TCF4: variants seen among roughly 807,000 people sequenced by gnomAD.
TCF4 encodes SL3-3 enhancer factor 2.
TCF4 carries 3 observed loss-of-function variants against 82.1 expected under a neutral mutation model. The ratio of observed to expected loss-of-function variants is 0.04; its 90% confidence interval spans 0.02 to 0.09. The LOEUF is 0.09. TCF4 is among the 10% of genes least tolerant of loss of function. The pLI, the probability that TCF4 is intolerant of heterozygous loss-of-function variation, is 1.00. For synonymous variants in TCF4, 276 were observed against 309.6 expected, an observed-to-expected ratio of 0.89 and a Z score of 1.14; for missense variants, 518 against 852.7, an observed-to-expected ratio of 0.61 and a Z score of 4.89.
chr18:55,546,808 G>A (rs1443647360), intron 3 of TCF4: 1 of 152,148 alleles, frequency 6.6e-6, no homozygotes, highest in Non-Finnish European at 1.5e-5. Context: ...CAGGCTTTAC[G>A]TTAACAGACT....
chr18:55,247,231 C>A (rs2053565169), intron 15 of TCF4, among the ~76,000 whole-genome samples: 1 of 152,182 alleles, frequency 6.6e-6, no homozygotes, highest in Non-Finnish European at 1.5e-5. Context: ...ATCCCCTCCC[C>A]TGAAAATATT....
chr18:55,420,674 C>T (rs766687672), intron 5 of TCF4, among the ~76,000 whole-genome samples: 49 of 152,086 alleles, frequency 3.2e-4, no homozygotes, highest in Non-Finnish European at 5.6e-4. Context: ...GCCAGTGGAA[C>T]GTTCAGCGTT....
intron 3 of TCF4, among the ~76,000 whole-genome samples, chr18:55,552,848 TGA>T (rs1396588109): frequency 2.0e-5 from 3 of 152,220 alleles, no homozygotes; most frequent in Admixed American, 1.3e-4. Context: ...TGTTGTTTGA[TGA>T]GAGTCATTAG....
At chr18:55,442,515 C>T (rs1158155690) in intron 5 of TCF4, among the ~76,000 whole-genome samples, 2 of 152,144 alleles carry the variant, frequency 1.3e-5, no homozygotes, top group Non-Finnish European at 2.9e-5. Flanking sequence ...ACAGCCCCAT[C>T]AGTTTCTAAG....
chr18:55,393,994 C>T (rs2093338750), intron 6 of TCF4, among the ~76,000 whole-genome samples: 1 of 151,966 alleles, frequency 6.6e-6, no homozygotes, highest in African/African-American at 2.4e-5. Flanking sequence ...GAGGTGGGCT[C>T]GAGGGAATAC....
chr18:55,543,804 A>G (rs1012180626), intron 3 of TCF4, among the ~76,000 whole-genome samples: 1 of 152,204 alleles, frequency 6.6e-6, no homozygotes, highest in Non-Finnish European at 1.5e-5. Context: ...ACGCTCAAGC[A>G]TGCATGAGCC....
intron 1 of TCF4, 49 bp downstream of exon 1, chr18:55,587,989 G>GCCGCCGGGCGCCTCCGCC: frequency 2.1e-6 from 2 of 960,094 alleles, no homozygotes; most frequent in East Asian, 1.2e-4. Context: ...CGAACCCCGC[G>GCCGCCGGGCGCCTCCGCC]CCGCCGGGCG....
At chr18:55,619,947 C>A (rs1246992721) in intron 2 of TCF4, among the ~76,000 whole-genome samples, 2 of 152,146 alleles carry the variant, frequency 1.3e-5, no homozygotes, top group Non-Finnish European at 2.9e-5. Flanking sequence ...GAATTGTAAT[C>A]CCCATAATCC....
intron 5 of TCF4, among the ~76,000 whole-genome samples, chr18:55,432,081 C>A (rs2095216834): frequency 6.6e-6 from 1 of 152,168 alleles, no homozygotes; most frequent in African/African-American, 2.4e-5. Flanking sequence ...GTGGATGGAT[C>A]ACTTGAAGTC....
upstream of TCF4, chr18:55,588,464 G>A (rs754139664): frequency 1.3e-6 from 2 of 1,534,234 alleles, no homozygotes; most frequent in Non-Finnish European, 1.7e-6. Flanking sequence ...AAAATTCATC[G>A]AGCACCTCAT....
chr18:55,241,930 T>C (rs2051359515), intron 15 of TCF4, among the ~76,000 whole-genome samples: 1 of 152,214 alleles, frequency 6.6e-6, no homozygotes. Context: ...ATCCTTCACC[T>C]AGACTCCCAG....
At chr18:55,505,124 A>G (rs947703218) in intron 3 of TCF4, among the ~76,000 whole-genome samples, 7 of 152,192 alleles carry the variant, frequency 4.6e-5, no homozygotes, top group African/African-American at 9.7e-5. Flanking sequence ...AGCCTGACCT[A>G]TGGAAGCAAA....
At chr18:55,240,225 G>C (rs374954213) in intron 15 of TCF4, among the ~76,000 whole-genome samples, 102 of 152,218 alleles carry the variant, frequency 6.7e-4, no homozygotes, top group South Asian at 4.6e-3. Flanking sequence ...TTAGAAAGAA[G>C]AACAACAACA....
At chr18:55,415,122 G>A (rs1465557704) in intron 5 of TCF4, among the ~76,000 whole-genome samples, 2 of 152,032 alleles carry the variant, frequency 1.3e-5, no homozygotes, top group Non-Finnish European at 2.9e-5. Flanking sequence ...ATACAATCAA[G>A]GCAAGGGGAA....
upstream of TCF4, chr18:55,588,314 G>T: frequency 6.9e-7 from 1 of 1,445,322 alleles, no homozygotes; most frequent in Non-Finnish European, 9.1e-7. Context: ...GTTCAGCAAA[G>T]AAATGGGTGG....
chr18:55,576,097 T>G (rs548095626), intron 3 of TCF4, among the ~76,000 whole-genome samples: 1 of 152,302 alleles, frequency 6.6e-6, no homozygotes, highest in South Asian at 2.1e-4. Flanking sequence ...AAACCCCTCT[T>G]GAATTGTACT....
intron 6 of TCF4, among the ~76,000 whole-genome samples, chr18:55,356,176 A>G (rs1277743684): frequency 3.9e-5 from 6 of 152,164 alleles, no homozygotes; most frequent in Admixed American, 3.9e-4. Context: ...CCATATTACA[A>G]TCCACTGATT....
intron 3 of TCF4, among the ~76,000 whole-genome samples, 169 bp downstream of exon 3, chr18:55,585,111 A>ATTT (rs1411744933): frequency 4.6e-5 from 7 of 152,220 alleles, no homozygotes; most frequent in Non-Finnish European, 1.0e-4. Context: ...ATCGCACAAG[A>ATTT]TAACATTTTG....
intron 3 of TCF4, among the ~76,000 whole-genome samples, chr18:55,534,594 T>G (rs2097099012): frequency 6.6e-6 from 1 of 152,130 alleles, no homozygotes; most frequent in Non-Finnish European, 1.5e-5. Context: ...CACAGCAGAG[T>G]AGCGGCTGGG....
Sources: allele counts gnomAD v4.1 joint callset (sites outside exome capture counted in the v4.1 genomes callset), GRCh38; gene constraint gnomAD v4.1.1; transcripts MANE v1.5; gene names NCBI Gene and HGNC (gene_info 2026-07-23, HGNC 2026-07-21).